The following QTMAN variants were observed in gnomAD, a reference collection of about 807,000 sequenced individuals.
The protein encoded by QTMAN is tRNA-queuosine alpha-mannosyltransferase.
the QTMAN span, among the ~76,000 whole-genome samples, chr2:144,081,390 T>C: frequency 1.3e-5 from 2 of 152,180 alleles, no homozygotes; most frequent in Admixed American, 6.5e-5. Flanking sequence ...AAGTTAACTG[T>C]ATGATTTGGC....
chr2:144,308,349 G>C, the QTMAN span, among the ~76,000 whole-genome samples: 3 of 151,972 alleles, frequency 2.0e-5, no homozygotes, highest in East Asian at 5.8e-4. Flanking sequence ...TGTATTTTTA[G>C]TACAGACGGG....
chr2:144,144,614 G>A, the QTMAN span, among the ~76,000 whole-genome samples: 5 of 151,710 alleles, frequency 3.3e-5, no homozygotes, highest in Non-Finnish European at 7.4e-5. Context: ...GACATTTGAC[G>A]TGAAGCAGTT....
chr2:144,280,085 T>C, the QTMAN span, among the ~76,000 whole-genome samples: 4 of 152,230 alleles, frequency 2.6e-5, no homozygotes, highest in Non-Finnish European at 5.9e-5. Flanking sequence ...TTTAGTAAAA[T>C]GACATTAACA....
the QTMAN span, among the ~76,000 whole-genome samples, chr2:144,318,983 G>T: frequency 6.6e-6 from 1 of 152,142 alleles, no homozygotes; most frequent in East Asian, 1.9e-4. Flanking sequence ...ACATCAATTT[G>T]GTTCAGAGAA....
the QTMAN span, among the ~76,000 whole-genome samples, chr2:144,260,922 TTAAAC>T: frequency 2.0e-5 from 3 of 152,106 alleles, no homozygotes; most frequent in Non-Finnish European, 4.4e-5. Context: ...ATTCCAACCT[TTAAAC>T]TAAAGCAAAA....
the QTMAN span, among the ~76,000 whole-genome samples, chr2:144,259,426 T>G: frequency 6.6e-6 from 1 of 152,170 alleles, no homozygotes; most frequent in African/African-American, 2.4e-5. Context: ...CTCAAAGTGC[T>G]GGGATTACAG....
the QTMAN span, among the ~76,000 whole-genome samples, chr2:144,293,957 C>T: frequency 6.6e-6 from 1 of 152,126 alleles, no homozygotes; most frequent in African/African-American, 2.4e-5. Flanking sequence ...TTTATAAGTA[C>T]ATATAAACAT....
chr2:143,963,274 T>C, the QTMAN span, among the ~76,000 whole-genome samples: 2 of 152,170 alleles, frequency 1.3e-5, no homozygotes, highest in Non-Finnish European at 2.9e-5. Flanking sequence ...AATAATGTGT[T>C]GATGCTATTG....
chr2:143,999,628 T>A, the QTMAN span, among the ~76,000 whole-genome samples: 1 of 152,012 alleles, frequency 6.6e-6, no homozygotes, highest in South Asian at 2.1e-4. Context: ...CATCCCTCCA[T>A]CCATATCACC....
the QTMAN span, among the ~76,000 whole-genome samples, chr2:144,247,673 T>C: frequency 6.6e-6 from 1 of 152,116 alleles, no homozygotes. Context: ...AGGACCACAG[T>C]ATTTTCCTTT....
At chr2:144,247,984 C>A in the QTMAN span, among the ~76,000 whole-genome samples, 1 of 152,176 alleles carries the variant, frequency 6.6e-6, no homozygotes, top group African/African-American at 2.4e-5. Context: ...CACCACTGAG[C>A]CCAGCCACCA....
the QTMAN span, among the ~76,000 whole-genome samples, chr2:143,981,351 T>G: frequency 6.6e-6 from 1 of 152,152 alleles, no homozygotes; most frequent in Non-Finnish European, 1.5e-5. Flanking sequence ...TTTTTTTTCT[T>G]AAATGGAGAA....
At chr2:143,987,117 T>C in the QTMAN span, among the ~76,000 whole-genome samples, 24 of 152,256 alleles carry the variant, frequency 1.6e-4, no homozygotes, top group East Asian at 4.6e-3. Context: ...GTTACACATT[T>C]AAAATGGCCT....
At chr2:144,158,355 T>G in the QTMAN span, among the ~76,000 whole-genome samples, 1 of 152,018 alleles carries the variant, frequency 6.6e-6, no homozygotes, top group Non-Finnish European at 1.5e-5. Context: ...TGATTTTGGA[T>G]AGTGTAGAAG....
At chr2:144,218,677 C>A in the QTMAN span, among the ~76,000 whole-genome samples, 6 of 152,154 alleles carry the variant, frequency 3.9e-5, no homozygotes, top group Non-Finnish European at 7.4e-5. Flanking sequence ...GTGGGAGACA[C>A]ATTTTCAGTT....
At chr2:144,295,948 C>T in the QTMAN span, among the ~76,000 whole-genome samples, 4 of 152,054 alleles carry the variant, frequency 2.6e-5, no homozygotes, top group East Asian at 1.9e-4. Flanking sequence ...ATAACATTTT[C>T]GGTAACTTTT....
the QTMAN span, among the ~76,000 whole-genome samples, chr2:144,159,307 G>GA: frequency 2.6e-5 from 4 of 151,774 alleles, no homozygotes; most frequent in East Asian, 3.9e-4. Context: ...ATGTTATCAA[G>GA]AAAAAAAATA....
At chr2:144,210,854 T>C in the QTMAN span, 1 of 152,178 alleles carries the variant, frequency 6.6e-6, no homozygotes, top group East Asian at 1.9e-4. Context: ...CCATCTTGCT[T>C]TATTTCCTCT....
chr2:144,298,465 TTATTG>T, the QTMAN span, among the ~76,000 whole-genome samples: 1 of 152,202 alleles, frequency 6.6e-6, no homozygotes, highest in African/African-American at 2.4e-5. Context: ...TATGGGGTGT[TTATTG>T]TATTGTATTG....
Sources: allele counts gnomAD v4.1 joint callset (sites outside exome capture counted in the v4.1 genomes callset), GRCh38; gene constraint gnomAD v4.1.1; transcripts MANE v1.5; gene names NCBI Gene and HGNC (gene_info 2026-07-23, HGNC 2026-07-21).